Variants in GABRA1 observed in about 807,000 individuals in gnomAD.
GABRA1 encodes gamma-aminobutyric acid receptor subunit alpha-1.
In GABRA1, 9 loss-of-function variants were observed where a neutral mutation model predicts 48.9. The ratio of observed to expected loss-of-function variants is 0.18; its 90% CI spans 0.11 to 0.32. GABRA1 has a LOEUF of 0.32. Among genes scored for constraint, GABRA1 ranks in the 10% least tolerant of loss-of-function variants. GABRA1 has a pLI of 1.00. For missense variants in GABRA1, 285 were observed against 553.8 expected (o/e 0.51, Z 4.87); for synonymous variants, 210 against 198.7 (o/e 1.06, Z -0.48).
chr5:161,899,729 A>G lies in GABRA1; in HGVS notation c.*2307A>G, dbSNP rs1037201144. 1 of 151,870 alleles carries G rather than the reference A, an allele frequency of 6.6e-6. No individual in the cohort carries two copies. The highest frequency in any genetic ancestry group is 2.4e-5 in the African/African-American group (1 of 41,346). 9.4% of individuals were successfully genotyped at this position (151,870 alleles called of 1,614,324 possible). ...AAGTCTTCCTTGAAAATAAAGATAC[A>G]CTCTTATAGGGGACAGTTCCTGTTC... is the stretch of plus-strand genomic sequence containing the variant. On this transcript the variant is annotated 3_prime_UTR_variant, in exon 10 of 10. Transcript: ENST00000393943.
intron 3 of GABRA1, among the ~76,000 whole-genome samples, chr5:161,859,613 C>T (rs1757773654): frequency 6.6e-6 from 1 of 151,688 alleles, no homozygotes; most frequent in South Asian, 2.1e-4. Flanking sequence ...TGAGCTGTCC[C>T]GGGATGATAA....
At chr5:161,857,787 T>G (rs1757706927) in intron 3 of GABRA1, among the ~76,000 whole-genome samples, 1 of 151,538 alleles carries the variant, frequency 6.6e-6, no homozygotes, top group East Asian at 1.9e-4. Context: ...AACTAAAAAT[T>G]ATCAGTAATT....
intron 4 of GABRA1, among the ~76,000 whole-genome samples, chr5:161,867,727 A>G (rs1372420929): frequency 6.6e-6 from 1 of 152,032 alleles, no homozygotes; most frequent in Non-Finnish European, 1.5e-5. Context: ...TAAATCAAAT[A>G]CTTCCGCAGA....
intron 3 of GABRA1, among the ~76,000 whole-genome samples, chr5:161,865,234 T>C (rs1758006394): frequency 6.6e-6 from 1 of 152,146 alleles, no homozygotes; most frequent in African/African-American, 2.4e-5. Flanking sequence ...AACTCAGTTA[T>C]GATTTAGTGC....
At chr5:161,875,414 T>A in intron 5 of GABRA1, 146 bp from the exon 6 acceptor site, 1 of 690,734 alleles carries the variant, frequency 1.4e-6, no homozygotes, top group Non-Finnish European at 2.6e-6. Flanking sequence ...TATTTTTAGA[T>A]CATTTGATTA....
At chr5:161,863,502 C>A (rs1018726065) in intron 3 of GABRA1, among the ~76,000 whole-genome samples, 18 of 151,954 alleles carry the variant, frequency 1.2e-4, no homozygotes, top group Admixed American at 1.1e-3. Context: ...CTCAGGTGAA[C>A]TCAGAGATAG....
intron 6 of GABRA1, among the ~76,000 whole-genome samples, chr5:161,877,362 G>C (rs1228417415): frequency 6.6e-6 from 1 of 152,112 alleles, no homozygotes; most frequent in African/African-American, 2.4e-5. Context: ...GCTGAAAAAA[G>C]GAGAGTTTAT....
At chr5:161,892,232 AACTAG>A (rs1755123753) in intron 8 of GABRA1, among the ~76,000 whole-genome samples, 1 of 152,222 alleles carries the variant, frequency 6.6e-6, no homozygotes, top group Non-Finnish European at 1.5e-5. Flanking sequence ...CACAAATATC[AACTAG>A]GCACCTGCTG....
In GABRA1 at chr5:161,855,400, G is replaced by T. The variant is rs1757609621; in HGVS notation, c.187+1130G>T. On this transcript the variant is annotated intron_variant, in intron 3 of 9. Transcript: ENST00000393943. ...TCAGAGGTTTAAGGGAAACTGCCTT[G>T]GCAAAGACACAACCCAAATATATGT... Among the ~76,000 whole-genome samples, 3 of 151,564 alleles carry T rather than the reference G, an allele frequency of 2.0e-5. No individual in the cohort carries two copies. The South Asian group carries it at 6.2e-4, about 31-fold the overall frequency.
chr5:161,895,959 G>A (rs1044441709), intron 9 of GABRA1, 91 bp downstream of exon 9: 2 of 1,037,364 alleles, frequency 1.9e-6, no homozygotes, highest in African/African-American at 3.1e-5. Flanking sequence ...ATTGGATGGA[G>A]TATGCAGAAT....
intron 2 of GABRA1, among the ~76,000 whole-genome samples, chr5:161,852,634 A>C (rs1272041287): frequency 6.6e-6 from 1 of 151,938 alleles, no homozygotes; most frequent in African/African-American, 2.4e-5. Flanking sequence ...GCTTGTTGAA[A>C]ATTTGATTTA....
At chr5:161,850,440 A>G in intron 1 of GABRA1, 1 of 452,846 alleles carries the variant, frequency 2.2e-6, no homozygotes, top group Admixed American at 3.8e-5. Flanking sequence ...TTAAAAGTCC[A>G]AATATTTAGA....
intron 2 of GABRA1, among the ~76,000 whole-genome samples, chr5:161,853,507 TC>T (rs944824734): frequency 2.0e-5 from 3 of 151,860 alleles, no homozygotes; most frequent in African/African-American, 7.2e-5. Flanking sequence ...TTCTAAAGGT[TC>T]TTTTTACATC....
chr5:161,869,221 T>C (rs1404632819), intron 4 of GABRA1, among the ~76,000 whole-genome samples: 1 of 152,104 alleles, frequency 6.6e-6, no homozygotes, highest in Non-Finnish European at 1.5e-5. Context: ...TAAATTAATC[T>C]ACGTTAATAA....
intron 3 of GABRA1, 100 bp downstream of exon 3, chr5:161,854,370 AC>A: frequency 1.3e-6 from 1 of 748,864 alleles, no homozygotes; most frequent in South Asian, 1.4e-5. Flanking sequence ...AAAAATGGTG[AC>A]ATGTAATTTA....
At chr5:161,889,769 T>A (rs1203285360) in intron 7 of GABRA1, among the ~76,000 whole-genome samples, 1 of 151,966 alleles carries the variant, frequency 6.6e-6, no homozygotes, top group Non-Finnish European at 1.5e-5. Context: ...GTAAGTAGAG[T>A]CCAGGAATGC....
At chr5:161,891,365 A>G (rs1230483054) in intron 8 of GABRA1, among the ~76,000 whole-genome samples, 1 of 152,208 alleles carries the variant, frequency 6.6e-6, no homozygotes, top group Non-Finnish European at 1.5e-5. Flanking sequence ...ATATTTAAAC[A>G]ATATATTTAG....
intron 2 of GABRA1, among the ~76,000 whole-genome samples, chr5:161,852,077 CTT>C (rs1259876008): frequency 6.6e-6 from 1 of 151,822 alleles, no homozygotes; most frequent in Non-Finnish European, 1.5e-5. Flanking sequence ...GCAATTAAAA[CTT>C]GACATAGTAA....
chr5:161,885,238 A>G (rs1421299017), intron 7 of GABRA1, among the ~76,000 whole-genome samples: 2 of 152,190 alleles, frequency 1.3e-5, no homozygotes, highest in African/African-American at 2.4e-5. Flanking sequence ...TAGCTCACCA[A>G]GAGTCCACCT....
Sources: gnomAD v4.1 joint callset for allele counts (sites outside exome capture counted in the v4.1 genomes callset) on GRCh38, gnomAD v4.1.1 for gene constraint, MANE v1.5 for transcripts, NCBI Gene and HGNC (gene_info 2026-07-23, HGNC 2026-07-21) for gene names.